RBFOX1: variants seen among roughly 807,000 people sequenced by gnomAD.
The protein encoded by RBFOX1 is RNA binding protein fox-1 homolog 1.
In RBFOX1, 8 loss-of-function variants were observed where a neutral mutation model predicts 57.7. That is an observed-to-expected ratio of 0.14 (90% confidence interval 0.08 to 0.25). RBFOX1 has a LOEUF of 0.25. RBFOX1 is among the 10% of genes least tolerant of loss of function. The pLI, the probability that RBFOX1 is intolerant of heterozygous loss-of-function variation, is 1.00. For synonymous variants in RBFOX1, 326 were observed against 222.4 expected, an observed-to-expected ratio of 1.47 and a Z score of -4.15; for missense variants, 611 against 548.5, an observed-to-expected ratio of 1.11 and a Z score of -1.14.
intron 3 of RBFOX1, among the ~76,000 whole-genome samples, chr16:5,847,339 T>C: frequency 7.0e-6 from 1 of 142,562 alleles, no homozygotes; most frequent in East Asian, 2.4e-4. Flanking sequence ...CTTCTTAGCC[T>C]CAGTTTCCTT....
intron 4 of RBFOX1, among the ~76,000 whole-genome samples, chr16:7,105,847 G>T (rs751094797): frequency 3.3e-5 from 5 of 152,074 alleles, no homozygotes; most frequent in African/African-American, 4.8e-5. Context: ...ATGGGCATTT[G>T]CGTTGGAGGA....
At chr16:6,214,986 G>C (rs1355620987) in intron 1 of RBFOX1, among the ~76,000 whole-genome samples, 5 of 136,646 alleles carry the variant, frequency 3.7e-5, no homozygotes. Context: ...GAAGGAGAGA[G>C]GAAGAGGGAC....
At chr16:5,294,677 T>G (rs1222685041) in intron 1 of RBFOX1, among the ~76,000 whole-genome samples, 3 of 152,060 alleles carry the variant, frequency 2.0e-5, no homozygotes, top group Non-Finnish European at 2.9e-5. Flanking sequence ...ATTTGCCCTT[T>G]CCTTTCACAT....
intron 4 of RBFOX1, among the ~76,000 whole-genome samples, chr16:7,066,040 A>C: frequency 6.6e-6 from 1 of 152,194 alleles, no homozygotes; most frequent in Non-Finnish European, 1.5e-5. Flanking sequence ...ATTCACTCCA[A>C]GGGGGAAAAA....
At chr16:7,389,828 A>G (rs920288543) in intron 4 of RBFOX1, among the ~76,000 whole-genome samples, 3 of 152,148 alleles carry the variant, frequency 2.0e-5, no homozygotes, top group African/African-American at 2.4e-5. Context: ...TATGCATACA[A>G]TCTTTATGGC....
At chr16:7,156,375 G>A (rs573236091) in intron 4 of RBFOX1, among the ~76,000 whole-genome samples, 17 of 151,282 alleles carry the variant, frequency 1.1e-4, no homozygotes, top group African/African-American at 2.7e-4. Context: ...ATACATATGC[G>A]TGTACATATA....
chr16:6,901,296 G>C lies in RBFOX1; in HGVS notation c.-15-150761G>C, dbSNP rs563539334. 2.6e-4 allele frequency among the ~76,000 whole-genome samples: 39 copies of C among 152,278 alleles called. 2 individuals are homozygous for C. In the South Asian group the frequency reaches 3.9e-3, roughly 15 times the overall value. On this transcript the variant is annotated intron_variant, in intron 3 of 15. Transcript: ENST00000550418. ...CTTCTGTCTAAGCCCATCCCTCTCC[G>C]TGGGCTCATTTTAGCAACACGGCAA...
chr16:6,135,645 A>C (rs1303923086), intron 1 of RBFOX1, among the ~76,000 whole-genome samples: 1 of 151,776 alleles, frequency 6.6e-6, no homozygotes, highest in African/African-American at 2.4e-5. Flanking sequence ...AGAATGTCTG[A>C]AAAAAAACCA....
intron 4 of RBFOX1, among the ~76,000 whole-genome samples, chr16:7,138,103 T>A (rs758355047): frequency 3.3e-5 from 5 of 152,140 alleles, no homozygotes; most frequent in Non-Finnish European, 7.4e-5. Flanking sequence ...CAGAGATTCG[T>A]ATCACAGCCA....
intron 3 of RBFOX1, among the ~76,000 whole-genome samples, chr16:6,881,195 A>C (rs1013324890): frequency 2.0e-5 from 3 of 152,210 alleles, no homozygotes; most frequent in Admixed American, 6.5e-5. Flanking sequence ...TCCCAAGCTC[A>C]CAGGCAAGGA....
chr16:6,522,811 G>A (rs576938967), intron 2 of RBFOX1, among the ~76,000 whole-genome samples: 69 of 152,200 alleles, frequency 4.5e-4, no homozygotes, highest in Non-Finnish European at 8.5e-4. Context: ...CCTTTGCCTT[G>A]ACCTGCAGGT....
At chr16:7,420,723 G>T (rs910524760) in intron 4 of RBFOX1, among the ~76,000 whole-genome samples, 2 of 151,062 alleles carry the variant, frequency 1.3e-5, no homozygotes, top group African/African-American at 4.9e-5. Context: ...ATGTACAAAT[G>T]TATGACTTCA....
rs543868713 is a variant in RBFOX1 at position 6,193,739 on chromosome 16, C to G, written c.-126-123256C>G. Among the ~76,000 whole-genome samples the G allele has an allele frequency of 9.7e-4, 148 of 152,006 alleles. 1 individual carries two copies. The highest frequency in any genetic ancestry group is 1.5e-3 in the Non-Finnish European group (100 of 68,002). On this transcript the variant is annotated intron_variant, in intron 1 of 15. Transcript: ENST00000550418. The stretch of plus-strand genomic sequence containing the variant: ...ATTCTCACATTGAAACTGCCCATTT[C>G]TTTGGGTATTTTGGGTCTTTTCCTG...
intron 4 of RBFOX1, among the ~76,000 whole-genome samples, chr16:7,122,084 A>C (rs1335327298): frequency 2.0e-5 from 3 of 152,112 alleles, no homozygotes; most frequent in Non-Finnish European, 4.4e-5. Flanking sequence ...ATTCACGTCC[A>C]AAGGAGTTAA....
At chr16:7,638,543 C>T (rs915901281) in intron 11 of RBFOX1, among the ~76,000 whole-genome samples, 2 of 152,174 alleles carry the variant, frequency 1.3e-5, no homozygotes, top group Non-Finnish European at 2.9e-5. Flanking sequence ...TGTCTCCTCC[C>T]CATCCCATCA....
chr16:5,379,985 C>T (rs1225758367), intron 1 of RBFOX1, among the ~76,000 whole-genome samples: 1 of 152,188 alleles, frequency 6.6e-6, no homozygotes, highest in Admixed American at 6.5e-5. Context: ...TGGCTGTGAA[C>T]CTGGGAGCCT....
chr16:5,659,652 A>T (rs1254477704), intron 3 of RBFOX1, among the ~76,000 whole-genome samples: 1 of 152,154 alleles, frequency 6.6e-6, no homozygotes, highest in Non-Finnish European at 1.5e-5. Flanking sequence ...ACCTGGGGTT[A>T]GTGGATAGGA....
At chr16:7,429,886 G>A (rs1204907382) in intron 4 of RBFOX1, among the ~76,000 whole-genome samples, 2 of 152,110 alleles carry the variant, frequency 1.3e-5, no homozygotes, top group Non-Finnish European at 2.9e-5. Flanking sequence ...TCTAGAAGCT[G>A]CAGAATGTAT....
chr16:6,967,745 C>T (rs970141485), intron 3 of RBFOX1, among the ~76,000 whole-genome samples: 10 of 152,098 alleles, frequency 6.6e-5, no homozygotes, highest in Non-Finnish European at 1.3e-4. Context: ...TTGTGCCCAT[C>T]TGCCCGTGCA....
Sources: allele counts gnomAD v4.1 joint callset (sites outside exome capture counted in the v4.1 genomes callset), GRCh38; gene constraint gnomAD v4.1.1; transcripts MANE v1.5; gene names NCBI Gene and HGNC (gene_info 2026-07-23, HGNC 2026-07-21).